Variants in NSMAF observed in about 807,000 individuals in gnomAD.
The protein encoded by NSMAF is neutral sphingomyelinase activation associated factor, also known as protein FAN.
Under a neutral mutation model 134.9 loss-of-function variants are expected in NSMAF, and 90 were observed. The observed-to-expected ratio is 0.67, with a 90% confidence interval of 0.56 to 0.79. The LOEUF is 0.79. Ranked by LOEUF, NSMAF falls within the 30% of genes least tolerant of loss-of-function variation. The pLI is 0.00. For missense variants in NSMAF, 1,010 were observed against 1,119.0 expected (o/e 0.90, Z 1.39); for synonymous variants, 358 against 389.6 (o/e 0.92, Z 0.96).
intron 6 of NSMAF, among the ~76,000 whole-genome samples, chr8:58,628,526 G>T (rs534192551): frequency 1.2e-4 from 18 of 152,032 alleles, no homozygotes; most frequent in Admixed American, 3.9e-4. Flanking sequence ...TCTAGTTATG[G>T]GGTTTTTATA....
At chr8:58,593,504 A>T (rs1806065831) in intron 23 of NSMAF, among the ~76,000 whole-genome samples, 1 of 152,204 alleles carries the variant, frequency 6.6e-6, no homozygotes, top group Non-Finnish European at 1.5e-5. Context: ...AAAGTTACAA[A>T]CTTTGTCAGA....
chr8:58,591,067 C>T (rs1806011281), intron 23 of NSMAF, 133 bp from the exon 24 acceptor site: 1 of 1,084,554 alleles, frequency 9.2e-7, no homozygotes, highest in Admixed American at 3.4e-5. Context: ...TTATGGAAAA[C>T]CGAATGTAAA....
chr8:58,606,682 T>C (rs1425747700), intron 11 of NSMAF, among the ~76,000 whole-genome samples: 1 of 152,164 alleles, frequency 6.6e-6, no homozygotes, highest in African/African-American at 2.4e-5. Flanking sequence ...GACCATAGTG[T>C]TAGTAAGGCT....
intron 22 of NSMAF, among the ~76,000 whole-genome samples, chr8:58,595,060 CA>C (rs2129140095): frequency 6.6e-6 from 1 of 152,328 alleles, no homozygotes; most frequent in South Asian, 2.1e-4. Context: ...GGGCAGAGAA[CA>C]CACATATCAT....
intron 6 of NSMAF, among the ~76,000 whole-genome samples, chr8:58,625,561 T>G (rs1442462044): frequency 1.3e-5 from 2 of 152,210 alleles, no homozygotes; most frequent in Admixed American, 1.3e-4. Flanking sequence ...TTGTGAAAGT[T>G]TTTTATTTAA....
intron 6 of NSMAF, among the ~76,000 whole-genome samples, chr8:58,630,597 G>C (rs749073947): frequency 3.3e-5 from 5 of 152,170 alleles, no homozygotes; most frequent in Non-Finnish European, 5.9e-5. Context: ...CAGTGTACGA[G>C]AGGCATTTGT....
intron 18 of NSMAF, 135 bp downstream of exon 18, chr8:58,599,615 T>C: frequency 3.0e-6 from 3 of 991,956 alleles, no homozygotes; most frequent in Non-Finnish European, 4.4e-6. Flanking sequence ...ACTTCTGATA[T>C]GGAATAGGGC....
chr8:58,658,938 G>A (rs1370239945), intron 1 of NSMAF, among the ~76,000 whole-genome samples: 1 of 152,344 alleles, frequency 6.6e-6, no homozygotes, highest in East Asian at 1.9e-4. Flanking sequence ...TGCGCGGGGA[G>A]CAAGTGTTTG....
intron 1 of NSMAF, chr8:58,659,117 G>A: frequency 3.2e-6 from 4 of 1,233,376 alleles, no homozygotes; most frequent in Non-Finnish European, 4.2e-6. Flanking sequence ...GACCAACTCT[G>A]CGGCGCCGGC....
chr8:58,585,906 C>A lies in NSMAF; in HGVS notation c.2541G>T (p.Glu847Asp). 1 of 1,613,092 alleles carries A rather than the reference C, an allele frequency of 6.2e-7. No individual in the cohort carries two copies. Among genetic ancestry groups the A allele is most frequent in the Non-Finnish European group, 8.5e-7 (1 of 1,179,304 alleles). ...GMLISSMTSD[E>D]PQRCFVWDGN... ...TAACTCACAAACTATACCTCTGGGG[C>A]TCATCTGATGTCATGGAGGAGATGA... Residue 847 changes from glutamate to aspartate, a missense_variant, in exon 29 of 31, where the codon GAG becomes GAT. Glu to Asp is a conservative substitution (Grantham distance 45). Transcript: ENST00000038176.
At chr8:58,593,477 GA>G (rs1249822303) in intron 23 of NSMAF, among the ~76,000 whole-genome samples, 1 of 152,130 alleles carries the variant, frequency 6.6e-6, no homozygotes, top group Non-Finnish European at 1.5e-5. Context: ...ACTAAATAAC[GA>G]GTAGCCTTAC....
chr8:58,597,711 T>C, intron 20 of NSMAF, 149 bp downstream of exon 20: 1 of 904,194 alleles, frequency 1.1e-6, no homozygotes, highest in Non-Finnish European at 1.7e-6. Context: ...CTTCAGAATA[T>C]TTTCTGATGC....
chr8:58,638,214 T>C (rs1358434127), intron 2 of NSMAF, among the ~76,000 whole-genome samples: 1 of 152,096 alleles, frequency 6.6e-6, no homozygotes, highest in Non-Finnish European at 1.5e-5. Context: ...GCCCAGCTAA[T>C]TTTTAGTTTT....
At chr8:58,596,819 T>G (rs1042710576) in intron 21 of NSMAF, among the ~76,000 whole-genome samples, 1 of 151,502 alleles carries the variant, frequency 6.6e-6, no homozygotes, top group Non-Finnish European at 1.5e-5. Context: ...TCCCAGCTAC[T>G]CAGGAGGCTG....
At position 58,589,491 on chromosome 8, in the gene NSMAF, G is replaced by T. The variant is rs143817244; in HGVS notation, c.2172C>A (p.Asp724Glu). 11 of 1,560,728 alleles carry T rather than the reference G, an allele frequency of 7.0e-6. No individual in the cohort carries two copies. Among genetic ancestry groups the T allele is most frequent in the Non-Finnish European group, 9.5e-6 (11 of 1,162,420 alleles). Residue 724 changes from aspartate (D) to glutamate (E), a missense_variant, in exon 26 of 31, where the codon GAC becomes GAA. By Grantham distance (45) the Asp-to-Glu change is conservative. Transcript: ENST00000038176. ...DDAVSKICWH[D>E]NRLYSASWDS... ...CCCACGATGCAGAATATAGCCTGTT[G>T]TCATGCCAACAGATCTTACTAACAG...
chr8:58,616,178 A>G (rs956290226), intron 9 of NSMAF, among the ~76,000 whole-genome samples: 2 of 152,214 alleles, frequency 1.3e-5, no homozygotes, highest in African/African-American at 2.4e-5. Flanking sequence ...GGCTTCATCA[A>G]TAAATTCTAT....
chr8:58,606,228 G>C (rs1206614986), intron 11 of NSMAF, among the ~76,000 whole-genome samples, 193 bp from the exon 12 acceptor site: 1 of 151,686 alleles, frequency 6.6e-6, no homozygotes, highest in African/African-American at 2.4e-5. Flanking sequence ...ATATATATAT[G>C]TTGTATTTAT....
At chr8:58,612,370 T>C (rs796259941) in intron 9 of NSMAF, among the ~76,000 whole-genome samples, 9 of 152,308 alleles carry the variant, frequency 5.9e-5, no homozygotes, top group African/African-American at 1.4e-4. Flanking sequence ...GAGGGTGATG[T>C]ACCCTCACTC....
chr8:58,626,644 A>G (rs959460982), intron 6 of NSMAF, among the ~76,000 whole-genome samples: 4 of 152,282 alleles, frequency 2.6e-5, no homozygotes, highest in East Asian at 3.9e-4. Flanking sequence ...TATTTTTGCA[A>G]TTGCAAATTG....
Sources: allele counts gnomAD v4.1 joint callset (sites outside exome capture counted in the v4.1 genomes callset), GRCh38; gene constraint gnomAD v4.1.1; transcripts MANE v1.5; gene names NCBI Gene and HGNC (gene_info 2026-07-23, HGNC 2026-07-21).